SYNPR: variants seen among roughly 807,000 people sequenced by gnomAD.
SYNPR encodes the protein synaptoporin.
SYNPR carries 23 observed loss-of-function variants against 32.9 expected under a neutral mutation model. The ratio of observed to expected loss-of-function variants is 0.70; its 90% confidence interval spans 0.50 to 0.99. The LOEUF is 0.99. Among genes scored for constraint, SYNPR ranks in the 50% least tolerant of loss-of-function variants. SYNPR has a pLI of 0.00. For missense variants in SYNPR, 318 were observed against 349.3 expected, an observed-to-expected ratio of 0.91 and a Z score of 0.71; for synonymous variants, 146 against 135.9, an observed-to-expected ratio of 1.07 and a Z score of -0.52.
At chr3:63,347,515 G>T (rs770374286) in intron 2 of SYNPR, among the ~76,000 whole-genome samples, 4 of 152,116 alleles carry the variant, frequency 2.6e-5, no homozygotes, top group Non-Finnish European at 5.9e-5. Context: ...AGGTATACAA[G>T]TACAGTTTTG....
At chr3:63,240,017 A>G (rs2086229636) in intron 1 of SYNPR, among the ~76,000 whole-genome samples, 1 of 152,194 alleles carries the variant, frequency 6.6e-6, no homozygotes, top group Non-Finnish European at 1.5e-5. Flanking sequence ...AGGCTAAGTA[A>G]TTCAGCTTAA....
intron 1 of SYNPR, among the ~76,000 whole-genome samples, chr3:63,246,943 A>G (rs988234530): frequency 7.9e-5 from 12 of 152,216 alleles, no homozygotes; most frequent in Middle Eastern, 6.8e-3. Context: ...GACATAGTAT[A>G]GGCAAAAAGT....
At chr3:63,497,411 T>C (rs565390081) in intron 3 of SYNPR, among the ~76,000 whole-genome samples, 2 of 152,308 alleles carry the variant, frequency 1.3e-5, no homozygotes, top group East Asian at 3.9e-4. Flanking sequence ...AATTTATTCT[T>C]ATTTATCTCT....
intron 4 of SYNPR, among the ~76,000 whole-genome samples, chr3:63,578,452 T>G (rs191726972): frequency 6.6e-5 from 10 of 152,118 alleles, no homozygotes; most frequent in African/African-American, 2.2e-4. Flanking sequence ...CATGTGTGGA[T>G]AGTAGCAAAG....
intron 4 of SYNPR, among the ~76,000 whole-genome samples, chr3:63,606,398 G>GCAGGACC (rs1355795501): frequency 9.7e-6 from 1 of 103,090 alleles, no homozygotes; most frequent in East Asian, 2.4e-4. Flanking sequence ...TTTAAATTAA[G>GCAGGACC]CAGGACCTCA....
chr3:63,529,820 T>A (rs1575694453), intron 3 of SYNPR, among the ~76,000 whole-genome samples: 1 of 152,186 alleles, frequency 6.6e-6, no homozygotes, highest in Non-Finnish European at 1.5e-5. Flanking sequence ...AAGTGGCTCC[T>A]GTACATCTGA....
chr3:63,431,176 C>T (rs62251437), intron 2 of SYNPR, among the ~76,000 whole-genome samples: 17,091 of 152,132 alleles, frequency 0.11, 1,044 homozygotes, highest in Middle Eastern at 0.14. Context: ...ACTTCACTAA[C>T]AAGATATATT....
upstream of SYNPR, among the ~76,000 whole-genome samples, chr3:63,277,350 G>A (rs1253373362): frequency 6.6e-6 from 1 of 152,140 alleles, no homozygotes; most frequent in African/African-American, 2.4e-5. Context: ...TTGTTTGGTT[G>A]TTGTTGTTTT....
intron 2 of SYNPR, among the ~76,000 whole-genome samples, chr3:63,372,973 C>T: frequency 6.6e-6 from 1 of 152,284 alleles, no homozygotes; most frequent in African/African-American, 2.4e-5. Flanking sequence ...CACCAAAAAT[C>T]CTTTGATAAT....
chr3:63,358,931 C>T (rs1259558583), intron 2 of SYNPR, among the ~76,000 whole-genome samples: 1 of 152,180 alleles, frequency 6.6e-6, no homozygotes, highest in Non-Finnish European at 1.5e-5. Context: ...ACTTTAAAAT[C>T]CGCCTCTTCC....
At chr3:63,407,678 C>T (rs1260550226) in intron 2 of SYNPR, among the ~76,000 whole-genome samples, 4 of 152,044 alleles carry the variant, frequency 2.6e-5, no homozygotes, top group Middle Eastern at 3.2e-3. Context: ...AAATATACCA[C>T]GTAGAAATTA....
At chr3:63,353,826 G>A (rs998886014) in intron 2 of SYNPR, among the ~76,000 whole-genome samples, 2 of 152,154 alleles carry the variant, frequency 1.3e-5, no homozygotes, top group African/African-American at 4.8e-5. Flanking sequence ...ATTTTTGTGT[G>A]AATTTTAATG....
intron 2 of SYNPR, among the ~76,000 whole-genome samples, chr3:63,401,576 G>A (rs1018067749): frequency 2.0e-5 from 3 of 152,152 alleles, no homozygotes; most frequent in African/African-American, 7.2e-5. Context: ...GCCCTGGGAG[G>A]TCTGTGCAGT....
chr3:63,398,383 A>G (rs1575624255), intron 2 of SYNPR, among the ~76,000 whole-genome samples: 1 of 152,294 alleles, frequency 6.6e-6, no homozygotes, highest in East Asian at 1.9e-4. Flanking sequence ...ATTCTCTGCC[A>G]TGTCAAATAT....
chr3:63,404,382 A>G (rs1050203580), intron 2 of SYNPR, among the ~76,000 whole-genome samples: 1 of 152,226 alleles, frequency 6.6e-6, no homozygotes, highest in Non-Finnish European at 1.5e-5. Flanking sequence ...CAATGATAAT[A>G]GTCTCACATG....
intron 3 of SYNPR, among the ~76,000 whole-genome samples, chr3:63,513,206 T>C (rs1362368828): frequency 1.5e-5 from 2 of 137,246 alleles, no homozygotes; most frequent in Non-Finnish European, 3.1e-5. Flanking sequence ...TGTCCATTTG[T>C]TTCTGTTTTT....
At chr3:63,473,726 A>G (rs919689774) in intron 2 of SYNPR, among the ~76,000 whole-genome samples, 1 of 152,200 alleles carries the variant, frequency 6.6e-6, no homozygotes, top group Non-Finnish European at 1.5e-5. Context: ...CGTGCAAACC[A>G]TGTGAGGACA....
At chr3:63,432,930 G>A (rs1188696278) in intron 2 of SYNPR, among the ~76,000 whole-genome samples, 1 of 152,202 alleles carries the variant, frequency 6.6e-6, no homozygotes, top group African/African-American at 2.4e-5. Context: ...GGTAATTCCA[G>A]ATTTCTAAGT....
intron 2 of SYNPR, among the ~76,000 whole-genome samples, chr3:63,462,567 C>T (rs1251864846): frequency 2.0e-5 from 3 of 152,078 alleles, no homozygotes; most frequent in Non-Finnish European, 2.9e-5. Flanking sequence ...CAATTTAGGT[C>T]GCTGAGTTAT....
Sources: gnomAD v4.1 joint callset for allele counts (sites outside exome capture counted in the v4.1 genomes callset) on GRCh38, gnomAD v4.1.1 for gene constraint, MANE v1.5 for transcripts, NCBI Gene and HGNC (gene_info 2026-07-23, HGNC 2026-07-21) for gene names.